The following ASF1A variants were observed in gnomAD, a reference collection of about 807,000 sequenced individuals.
The protein encoded by ASF1A is histone chaperone ASF1A.
In ASF1A, 5 loss-of-function variants were observed where a neutral mutation model predicts 22.0. The observed-to-expected ratio is 0.23, with a 90% CI of 0.12 to 0.48. The LOEUF is 0.48. ASF1A is among the 20% of genes least tolerant of loss of function. ASF1A has a pLI of 0.99. For synonymous variants in ASF1A, 97 were observed against 86.7 expected, an observed-to-expected ratio of 1.12 and a Z score of -0.66; for missense variants, 137 against 240.6, an observed-to-expected ratio of 0.57 and a Z score of 2.85.
intron 1 of ASF1A, among the ~76,000 whole-genome samples, chr6:118,899,707 G>T (rs972723589): frequency 1.3e-5 from 2 of 152,116 alleles, no homozygotes; most frequent in African/African-American, 4.8e-5. Flanking sequence ...TAAGCAGTAC[G>T]TTACTATTTC....
rs531877103 is a variant in ASF1A, at chr6:118,903,059, T to C, written c.225+2178T>C. On this transcript the variant is annotated intron_variant, in intron 2 of 3. Transcript: ENST00000229595. ...TCTACTTAAATTTGCTCAAACTGAA[T>C]CTTTTTCAAATTGTAAAATGCTTTT... Among the ~76,000 whole-genome samples, 574 of 152,336 alleles carry C rather than the reference T, an allele frequency of 3.8e-3. 27 individuals are homozygous for C. In the South Asian group the frequency reaches 0.1, roughly 27 times the overall value.
intron 3 of ASF1A, among the ~76,000 whole-genome samples, chr6:118,906,448 G>T (rs1780184006): frequency 6.6e-6 from 1 of 152,100 alleles, no homozygotes; most frequent in African/African-American, 2.4e-5. Flanking sequence ...TTCCCATCAT[G>T]ATTCTGTTCA....
intron 2 of ASF1A, 108 bp downstream of exon 2, chr6:118,900,989 T>G (rs1779765517): frequency 2.7e-6 from 2 of 747,088 alleles, no homozygotes; most frequent in Non-Finnish European, 4.6e-6. Flanking sequence ...AAGAACTGCT[T>G]CTGCTGCATT....
chr6:118,903,602 C>T (rs548425544), intron 2 of ASF1A, among the ~76,000 whole-genome samples: 150 of 152,264 alleles, frequency 9.9e-4, no homozygotes, highest in South Asian at 8.7e-3. Context: ...TCTATTGATT[C>T]TACCTTCTGA....
intron 2 of ASF1A, among the ~76,000 whole-genome samples, chr6:118,905,264 G>T (rs1033605136): frequency 3.3e-5 from 5 of 152,232 alleles, no homozygotes; most frequent in African/African-American, 1.2e-4. Context: ...AACAGTCTAT[G>T]AGGAGATCAT....
intron 1 of ASF1A, among the ~76,000 whole-genome samples, chr6:118,895,030 C>T (rs1197929954): frequency 1.3e-5 from 2 of 152,144 alleles, no homozygotes; most frequent in South Asian, 2.1e-4. Flanking sequence ...CGCCTGCCCC[C>T]GGCGAAAGGC....
Position 118,905,723 on chromosome 6 carries a change from T to C in ASF1A, c.297T>C (p.Cys99=), listed in dbSNP as rs766545242. 1 of 1,613,780 alleles carries C rather than the reference T, an allele frequency of 6.2e-7. No individual in the cohort carries two copies. The highest frequency in any genetic ancestry group is 2.2e-5 in the East Asian group (1 of 44,870). ...AVGVTVVLIT[C]TYRGQEFIRV... is the part of the protein sequence containing the mutation. ...GCGTAACTGTTGTGCTAATTACTTG[T>C]ACCTATCGAGGACAAGAATTTATTA... is the stretch of plus-strand genomic sequence containing the variant. The change falls in exon 3 of 4, where the codon TGT becomes TGC. Residue 99 remains cysteine (C), a synonymous_variant. Coordinates refer to ENST00000229595, the MANE Select transcript of ASF1A (RefSeq NM_014034.3).
In ASF1A at chr6:118,902,138, A is replaced by C. The variant is rs776023549; in HGVS notation, c.225+1257A>C. On this transcript the variant is annotated intron_variant, in intron 2 of 3. Transcript: ENST00000229595. ...CTGTTAATCAAAGTTGTGTGAGTGC[A>C]TAACCATGTAAAAGACATGGGTAAC... Among the ~76,000 whole-genome samples the C allele has an allele frequency of 1.7e-4, 26 of 152,258 alleles. 1 individual carries two copies. Among genetic ancestry groups the C allele is most frequent in the Non-Finnish European group, 3.7e-4 (25 of 68,036 alleles).
rs1562426710 is a variant in ASF1A at position 118,894,339 on chromosome 6, CCCGAG to C, written c.-73_-69del. Reference sequence around the variant, plus strand: ...GCGCTGGAGCGGGGGTCTGCGCTCTCCCGAGCGGCCGCGCGCTGGACTTTATTGTG... The same window carrying C: ...GCGCTGGAGCGGGGGTCTGCGCTCTCCGGCCGCGCGCTGGACTTTATTGTG... On this transcript the variant is annotated 5_prime_UTR_variant, in exon 1 of 4. Coordinates refer to ENST00000229595, the MANE Select transcript of ASF1A (RefSeq NM_014034.3). 5.2e-6 allele frequency: 8 copies of C among 1,530,898 alleles called. No homozygotes were observed. Among genetic ancestry groups the C allele is most frequent in the Non-Finnish European group, 7.0e-6 (8 of 1,142,500 alleles). The allele number at this position is 1,530,898 out of a possible 1,614,324, so 94.8% of individuals were successfully genotyped here.
chr6:118,907,482 A>G lies in ASF1A; in HGVS notation c.483A>G (p.Glu161=). 1 of 1,613,568 alleles carries G rather than the reference A, an allele frequency of 6.2e-7. No homozygotes were observed. Among genetic ancestry groups the G allele is most frequent in the African/African-American group, 1.3e-5 (1 of 75,046 alleles). The change falls in exon 4 of 4, where the codon GAA becomes GAG. Residue 161 remains glutamate, a synonymous_variant. Transcript: ENST00000229595. ...GGGAAGATAACACAGAAAAACTGGA[A>G]GATGCAGAGAGCAGTAATCCAAATC... ...INWEDNTEKL[E]DAESSNPNLQ...
In ASF1A at chr6:118,908,585, C is replaced by T. The variant is rs1054183410; in HGVS notation, c.*971C>T. Reference sequence around the variant, plus strand: ...TTTTCACACCTGTAGTACTCTTCCCCATTTCCTCTGACACTCATGCAGAAT... The same window carrying T: ...TTTTCACACCTGTAGTACTCTTCCCTATTTCCTCTGACACTCATGCAGAAT... On this transcript the variant is annotated 3_prime_UTR_variant, in exon 4 of 4. Transcript: ENST00000229595. 1 of 152,070 alleles carries T rather than the reference C, an allele frequency of 6.6e-6. No individual in the cohort carries two copies. The highest frequency in any genetic ancestry group is 1.5e-5 in the Non-Finnish European group (1 of 67,982). 9.4% of individuals were successfully genotyped at this position (152,070 alleles called of 1,614,324 possible).
chr6:118,907,298 C>A, intron 3 of ASF1A, 104 bp from the exon 4 acceptor site: 1 of 728,480 alleles, frequency 1.4e-6, no homozygotes, highest in Non-Finnish European at 2.3e-6. Context: ...ATGAACTTAG[C>A]CCTTTAGGAG....
chr6:118,900,226 CACTT>C, intron 1 of ASF1A, among the ~76,000 whole-genome samples: 1 of 152,258 alleles, frequency 6.6e-6, no homozygotes, highest in South Asian at 2.1e-4. Flanking sequence ...GAGCTGAAGC[CACTT>C]ACTTCTGAGC....
At chr6:118,903,405 T>G (rs996065225) in intron 2 of ASF1A, among the ~76,000 whole-genome samples, 1 of 152,030 alleles carries the variant, frequency 6.6e-6, no homozygotes, top group Non-Finnish European at 1.5e-5. Flanking sequence ...GATTTACAAA[T>G]GAATTCCAAA....
At chr6:118,907,162 G>A (rs1371502355) in intron 3 of ASF1A, among the ~76,000 whole-genome samples, 5 of 152,152 alleles carry the variant, frequency 3.3e-5, no homozygotes, top group Non-Finnish European at 7.4e-5. Flanking sequence ...TAAAAAGCCA[G>A]ATGAATCCCC....
chr6:118,900,088 T>G (rs1388106299), intron 1 of ASF1A, among the ~76,000 whole-genome samples: 1 of 152,186 alleles, frequency 6.6e-6, no homozygotes, highest in Non-Finnish European at 1.5e-5. Flanking sequence ...CCTGCCTATC[T>G]CCACTGTGTA....
At chr6:118,900,439 ATATCTC>A (rs1364306635) in intron 1 of ASF1A, among the ~76,000 whole-genome samples, 8 of 152,364 alleles carry the variant, frequency 5.3e-5, no homozygotes, top group Middle Eastern at 3.4e-3. Context: ...TTACTGAAGG[ATATCTC>A]AGAAAACTTA....
chr6:118,904,783 G>T (rs1019464818), intron 2 of ASF1A, among the ~76,000 whole-genome samples: 4 of 152,206 alleles, frequency 2.6e-5, no homozygotes, highest in Admixed American at 6.5e-5. Flanking sequence ...TCATAATAGA[G>T]GATTATTAAT....
At chr6:118,901,039 G>T (rs993096612) in intron 2 of ASF1A, 158 bp downstream of exon 2, 1 of 575,252 alleles carries the variant, frequency 1.7e-6, no homozygotes, top group Non-Finnish European at 3.1e-6. Context: ...GGCAGTCTCT[G>T]TGTCACAGAG....
Sources: gnomAD v4.1 joint callset for allele counts (sites outside exome capture counted in the v4.1 genomes callset) on GRCh38, gnomAD v4.1.1 for gene constraint, MANE v1.5 for transcripts, NCBI Gene and HGNC (gene_info 2026-07-23, HGNC 2026-07-21) for gene names.